The following ZDHHC14 variants were observed in gnomAD, a reference collection of about 807,000 sequenced individuals.
The protein encoded by ZDHHC14 is palmitoyltransferase ZDHHC14.
Under a neutral mutation model 47.7 loss-of-function variants are expected in ZDHHC14, and 16 were observed. The observed-to-expected ratio is 0.34, with a 90% CI of 0.23 to 0.51. The LOEUF (loss-of-function observed/expected upper bound fraction) is 0.51, where lower values mean the gene tolerates loss of function less well. ZDHHC14 is among the 20% of genes least tolerant of loss of function. The pLI is 0.97. For synonymous variants in ZDHHC14, 293 were observed against 278.9 expected, an observed-to-expected ratio of 1.05 and a Z score of -0.50; for missense variants, 515 against 662.5, an observed-to-expected ratio of 0.78 and a Z score of 2.44.
intron 3 of ZDHHC14, among the ~76,000 whole-genome samples, chr6:157,604,691 G>A (rs1226741072): frequency 6.6e-6 from 1 of 152,130 alleles, no homozygotes; most frequent in Non-Finnish European, 1.5e-5. Flanking sequence ...CTACAGGCAC[G>A]TGTCACCACA....
At chr6:157,510,616 C>G (rs1780441229) in intron 1 of ZDHHC14, among the ~76,000 whole-genome samples, 1 of 152,252 alleles carries the variant, frequency 6.6e-6, no homozygotes, top group Admixed American at 6.5e-5. Flanking sequence ...ACCTCTCTTT[C>G]TCAGTCGCCT....
At chr6:157,539,926 T>A (rs142419308) in intron 1 of ZDHHC14, among the ~76,000 whole-genome samples, 64 of 152,188 alleles carry the variant, frequency 4.2e-4, no homozygotes, top group African/African-American at 1.3e-3. Context: ...ATTACCTTCA[T>A]ATTATCATCA....
At chr6:157,616,418 G>C (rs1416034032) in intron 3 of ZDHHC14, among the ~76,000 whole-genome samples, 4 of 152,206 alleles carry the variant, frequency 2.6e-5, no homozygotes, top group Non-Finnish European at 4.4e-5. Context: ...ACCTGCGGAA[G>C]GGGAGGGCCC....
chr6:157,597,228 C>T (rs1251394702), intron 3 of ZDHHC14, among the ~76,000 whole-genome samples: 1 of 152,200 alleles, frequency 6.6e-6, no homozygotes, highest in Non-Finnish European at 1.5e-5. Flanking sequence ...TCCCTCAAAT[C>T]ATTAAAGCGA....
At chr6:157,486,876 T>G (rs973148879) in intron 1 of ZDHHC14, among the ~76,000 whole-genome samples, 1 of 152,100 alleles carries the variant, frequency 6.6e-6, no homozygotes, top group Non-Finnish European at 1.5e-5. Flanking sequence ...GGGCCTCATA[T>G]GAGGTGAGGA....
chr6:157,562,464 G>A (rs1052200439), intron 2 of ZDHHC14, among the ~76,000 whole-genome samples: 10 of 152,274 alleles, frequency 6.6e-5, no homozygotes, highest in African/African-American at 2.2e-4. Flanking sequence ...TGTTGGTGGG[G>A]CCAGGGCTGC....
chr6:157,461,152 G>A (rs990978203), intron 1 of ZDHHC14, among the ~76,000 whole-genome samples: 4 of 152,054 alleles, frequency 2.6e-5, no homozygotes, highest in African/African-American at 9.7e-5. Flanking sequence ...CAGGGGCCTG[G>A]GAAATTCCCA....
chr6:157,581,382 G>A (rs1308594450), intron 2 of ZDHHC14, among the ~76,000 whole-genome samples: 2 of 151,902 alleles, frequency 1.3e-5, no homozygotes, highest in Non-Finnish European at 2.9e-5. Context: ...GCAATCAGAA[G>A]AATGTATATT....
intron 8 of ZDHHC14, among the ~76,000 whole-genome samples, chr6:157,658,374 C>CA (rs931133821): frequency 1.1e-4 from 16 of 152,192 alleles, no homozygotes; most frequent in African/African-American, 3.1e-4. Flanking sequence ...CTGATCCTTG[C>CA]AGCTCCACCA....
chr6:157,596,606 GAA>G (rs1374712775), intron 3 of ZDHHC14, among the ~76,000 whole-genome samples: 14 of 152,192 alleles, frequency 9.2e-5, no homozygotes, highest in Non-Finnish European at 8.8e-5. Context: ...CTGGCTCTGA[GAA>G]CACACAGGCC....
intron 1 of ZDHHC14, among the ~76,000 whole-genome samples, chr6:157,524,698 A>T (rs927946372): frequency 2.6e-5 from 4 of 152,232 alleles, no homozygotes; most frequent in African/African-American, 9.6e-5. Flanking sequence ...TAATAATTTA[A>T]AAGGTTTTCT....
intron 5 of ZDHHC14, among the ~76,000 whole-genome samples, chr6:157,640,926 G>C (rs948546577): frequency 6.6e-6 from 1 of 152,194 alleles, no homozygotes; most frequent in Non-Finnish European, 1.5e-5. Context: ...TGTCCTTCCA[G>C]ATGGTCTTAG....
intron 1 of ZDHHC14, among the ~76,000 whole-genome samples, chr6:157,426,808 C>T (rs1445368749): frequency 6.6e-5 from 10 of 152,290 alleles, no homozygotes; most frequent in South Asian, 2.1e-4. Flanking sequence ...GGAGAGAAGC[C>T]GGGAAGCCGT....
intron 2 of ZDHHC14, among the ~76,000 whole-genome samples, chr6:157,568,089 A>G (rs544648743): frequency 3.9e-5 from 6 of 152,230 alleles, no homozygotes; most frequent in African/African-American, 1.4e-4. Flanking sequence ...AAAAATCATT[A>G]TGAAAACTAT....
In ZDHHC14 at chr6:157,647,418, T is replaced by A. The variant is rs377064430; in HGVS notation, c.965+50T>A. 6 of 1,490,654 alleles carry A rather than the reference T, an allele frequency of 4.0e-6. No individual in the cohort carries two copies. The South Asian group carries it at 6.0e-5, about 15-fold the overall frequency. 92.3% of individuals were successfully genotyped at this position (1,490,654 alleles called of 1,614,324 possible). ...CTTCAACAGACCTTGGAAAACCGAA[T>A]GCCTCGGCCGTTAGCACAGGCCGCC... On this transcript the variant is annotated intron_variant, in intron 7 of 8. Transcript: ENST00000359775.
intron 1 of ZDHHC14, among the ~76,000 whole-genome samples, chr6:157,428,015 C>T (rs1303596156): frequency 2.0e-5 from 3 of 151,896 alleles, no homozygotes; most frequent in Admixed American, 6.6e-5. Flanking sequence ...GAATAGGGAT[C>T]GTGAATAGAG....
intron 3 of ZDHHC14, among the ~76,000 whole-genome samples, chr6:157,599,959 C>T (rs918903236): frequency 2.0e-5 from 3 of 152,122 alleles, no homozygotes; most frequent in African/African-American, 7.2e-5. Flanking sequence ...CTCAGTGAAA[C>T]ATGATTGTAT....
chr6:157,436,257 T>C (rs573779229), intron 1 of ZDHHC14, among the ~76,000 whole-genome samples: 1 of 151,416 alleles, frequency 6.6e-6, no homozygotes, highest in East Asian at 1.9e-4. Flanking sequence ...ATGGAGATAA[T>C]GAAGGTGCAA....
In ZDHHC14 at chr6:157,381,992, G is replaced by C; in HGVS notation, c.-30G>C. ...CCGCGCGGCCGGGGGGCTCCTGGGG[G>C]TGTGCGCCCCCAGCCGGCTGCCCTC... On this transcript the variant is annotated 5_prime_UTR_variant, in exon 1 of 9. Transcript: ENST00000359775. 7.6e-7 allele frequency: 1 copy of C among 1,317,930 alleles called. No individual in the cohort carries two copies. The highest frequency in any genetic ancestry group is 9.7e-7 in the Non-Finnish European group (1 of 1,029,176). The allele number at this position is 1,317,930 out of a possible 1,614,324, so 81.6% of individuals were successfully genotyped here.
Sources: allele counts gnomAD v4.1 joint callset (sites outside exome capture counted in the v4.1 genomes callset), GRCh38; gene constraint gnomAD v4.1.1; transcripts MANE v1.5; gene names NCBI Gene and HGNC (gene_info 2026-07-23, HGNC 2026-07-21).